The following MTRF1 variants were observed in gnomAD, a reference collection of about 807,000 sequenced individuals.
The protein encoded by MTRF1 is mitochondrial translation release factor 1.
MTRF1 carries 51 observed loss-of-function variants against 62.9 expected under a neutral mutation model. That is an observed-to-expected ratio of 0.81 (90% CI 0.65 to 1.02). The LOEUF (loss-of-function observed/expected upper bound fraction) is 1.02, where lower values mean the gene tolerates loss of function less well. MTRF1 is among the 50% of genes least tolerant of loss of function. The probability of loss-of-function intolerance (pLI) is 0.00; values close to 1 mark genes in which losing one functional copy is unlikely to be tolerated. For synonymous variants in MTRF1, 158 were observed against 181.9 expected, an observed-to-expected ratio of 0.87 and a Z score of 1.06; for missense variants, 446 against 530.0, an observed-to-expected ratio of 0.84 and a Z score of 1.56.
chr13:41,220,485 T>C (rs768619051), intron 9 of MTRF1: 81 of 834,676 alleles, frequency 9.7e-5, no homozygotes, highest in Non-Finnish European at 1.4e-4. Flanking sequence ...AAACAATACA[T>C]TATATGGTAG....
the MTRF1 span, among the ~76,000 whole-genome samples, chr13:41,280,807 G>A: frequency 6.6e-6 from 1 of 152,122 alleles, no homozygotes; most frequent in African/African-American, 2.4e-5. Context: ...TGCCAGATGG[G>A]GTGAAGGTAC....
upstream of MTRF1, among the ~76,000 whole-genome samples, chr13:41,267,174 T>C (rs2040850716): frequency 1.3e-5 from 2 of 152,186 alleles, no homozygotes; most frequent in South Asian, 4.1e-4. Context: ...TTCCTTGCAA[T>C]GTATTTGTTG....
chr13:41,219,534 T>C (rs1206021700), intron 9 of MTRF1, among the ~76,000 whole-genome samples: 2 of 151,702 alleles, frequency 1.3e-5, no homozygotes, highest in South Asian at 2.1e-4. Flanking sequence ...CAAAACAATA[T>C]AATAAATTAA....
At chr13:41,249,579 C>CAATG (rs1481278604) in intron 5 of MTRF1, among the ~76,000 whole-genome samples, 3 of 132,002 alleles carry the variant, frequency 2.3e-5, no homozygotes, top group African/African-American at 8.4e-5. Flanking sequence ...ATTATAATTT[C>CAATG]AATGAATAAA....
chr13:41,260,897 T>G lies in MTRF1; in HGVS notation c.11A>C (p.His4Pro), dbSNP rs767406842. 3 of 1,601,418 alleles carry G rather than the reference T, an allele frequency of 1.9e-6. No individual in the cohort carries two copies. The Admixed American group carries it at 5.1e-5, about 27-fold the overall frequency. The change falls in exon 2 of 10, where the codon CAC becomes CCC. Residue 4 changes from histidine to proline, a missense_variant. By Grantham distance (77) the His-to-Pro change is moderately conservative. Transcript: ENST00000379480. MNR[H>P]LCVWLFRHPS... The stretch of plus-strand genomic sequence containing the variant: ...ATGTCTAAAAAGCCAAACACACAGG[T>G]GACGATTCATCTCAGCATCTGAAAT...
chr13:41,239,155 A>T (rs2037136287), intron 6 of MTRF1, among the ~76,000 whole-genome samples: 1 of 151,898 alleles, frequency 6.6e-6, no homozygotes. Context: ...AGTCCTAGCT[A>T]CTCAGGAGGT....
At chr13:41,234,781 G>A (rs1302971084) in intron 6 of MTRF1, among the ~76,000 whole-genome samples, 2 of 152,182 alleles carry the variant, frequency 1.3e-5, no homozygotes, top group Non-Finnish European at 2.9e-5. Context: ...TTTGCCCATT[G>A]CCAGCTGAAG....
upstream of MTRF1, among the ~76,000 whole-genome samples, chr13:41,266,700 A>G (rs2040842904): frequency 6.6e-6 from 1 of 151,898 alleles, no homozygotes; most frequent in African/African-American, 2.4e-5. Context: ...CAGTGTTCAA[A>G]TTTCCCTGTG....
Position 41,233,941 on chromosome 13 carries a change from G to T in MTRF1, c.937C>A (p.Gln313Lys). ...DTFRAKGAGG[Q>K]HVNKTDSAVR... ...GCACTATCAGTTTTATTAACATGCT[G>T]CCCTCCTGCTCCTTTGGCTCGAAAT... The change falls in exon 7 of 10, where the codon CAG becomes AAG. Residue 313 changes from glutamine to lysine, a missense_variant. Coordinates refer to ENST00000379480, the MANE Select transcript of MTRF1 (RefSeq NM_004294.4). 1 of 1,614,098 alleles carries T rather than the reference G, an allele frequency of 6.2e-7. No homozygotes were observed. The highest frequency in any genetic ancestry group is 8.5e-7 in the Non-Finnish European group (1 of 1,179,986).
chr13:41,238,796 G>A (rs998422930), intron 6 of MTRF1, among the ~76,000 whole-genome samples: 5 of 152,142 alleles, frequency 3.3e-5, no homozygotes, highest in African/African-American at 1.2e-4. Context: ...AGCATTATGT[G>A]TCTTCTGATA....
chr13:41,251,887 A>C (rs1208047668), intron 5 of MTRF1, among the ~76,000 whole-genome samples: 5 of 146,768 alleles, frequency 3.4e-5, no homozygotes, highest in African/African-American at 5.0e-5. Flanking sequence ...ATGTTGTATC[A>C]TTTTTTTTTT....
intron 2 of MTRF1, among the ~76,000 whole-genome samples, chr13:41,255,578 G>T (rs1173445212): frequency 6.6e-6 from 1 of 152,168 alleles, no homozygotes; most frequent in Non-Finnish European, 1.5e-5. Context: ...TGTACCCCTA[G>T]CTACTCGGGA....
the MTRF1 span, among the ~76,000 whole-genome samples, chr13:41,293,202 A>T: frequency 6.6e-6 from 1 of 152,064 alleles, no homozygotes; most frequent in Non-Finnish European, 1.5e-5. Flanking sequence ...ATATACATGT[A>T]TTATATGCTG....
chr13:41,239,531 A>C (rs1456561341), intron 6 of MTRF1, among the ~76,000 whole-genome samples: 1 of 152,092 alleles, frequency 6.6e-6, no homozygotes, highest in Non-Finnish European at 1.5e-5. Context: ...TAAAATTTTC[A>C]TTGTGGTATC....
the MTRF1 span, chr13:41,311,660 C>T: frequency 1.5e-6 from 2 of 1,374,504 alleles, no homozygotes; most frequent in Non-Finnish European, 2.0e-6. Context: ...CTGGCGGCGG[C>T]CGGCGCGGGC....
At chr13:41,293,324 G>A in the MTRF1 span, among the ~76,000 whole-genome samples, 1,197 of 152,230 alleles carry the variant, frequency 7.9e-3, 16 homozygotes, top group African/African-American at 0.027. Flanking sequence ...TTTGTTAAAT[G>A]AGTAAAGCAT....
chr13:41,290,242 C>T, the MTRF1 span, among the ~76,000 whole-genome samples: 7 of 150,996 alleles, frequency 4.6e-5, no homozygotes, highest in South Asian at 2.1e-4. Flanking sequence ...GGACTACAGG[C>T]GTGCACCACC....
chr13:41,254,461 CAG>C (rs1228668004), intron 3 of MTRF1, 66 bp downstream of exon 3: 2 of 1,135,628 alleles, frequency 1.8e-6, no homozygotes, highest in East Asian at 2.4e-5. Flanking sequence ...AGCACCGAAG[CAG>C]AGTCTAGCAA....
the MTRF1 span, among the ~76,000 whole-genome samples, chr13:41,275,890 T>G: frequency 6.6e-6 from 1 of 152,204 alleles, no homozygotes; most frequent in South Asian, 2.1e-4. Context: ...AAGCGTTAAT[T>G]GCACTTTTTT....
Sources: allele counts gnomAD v4.1 joint callset (sites outside exome capture counted in the v4.1 genomes callset), GRCh38; gene constraint gnomAD v4.1.1; transcripts MANE v1.5; gene names NCBI Gene and HGNC (gene_info 2026-07-23, HGNC 2026-07-21).